TNFRSF11B: variants seen among roughly 807,000 people sequenced by gnomAD.
TNFRSF11B encodes tumor necrosis factor receptor superfamily member 11B.
A neutral mutation model predicts 43.4 loss-of-function variants in TNFRSF11B; 16 were observed. That is an observed-to-expected ratio of 0.37 (90% confidence interval 0.25 to 0.56). TNFRSF11B has a LOEUF of 0.56. Among genes scored for constraint, TNFRSF11B ranks in the 20% least tolerant of loss-of-function variants. TNFRSF11B has a pLI of 0.80. For synonymous variants in TNFRSF11B, 185 were observed against 181.8 expected (o/e 1.02, Z -0.14); for missense variants, 444 against 490.1 (o/e 0.91, Z 0.89).
At chr8:118,936,578 C>T (rs1365497560) in intron 1 of TNFRSF11B, among the ~76,000 whole-genome samples, 1 of 152,118 alleles carries the variant, frequency 6.6e-6, no homozygotes, top group Non-Finnish European at 1.5e-5. Context: ...GGACAGATCA[C>T]CTTAACATTG....
At chr8:118,946,073 A>G (rs972327526) in intron 1 of TNFRSF11B, among the ~76,000 whole-genome samples, 1 of 152,198 alleles carries the variant, frequency 6.6e-6, no homozygotes, top group African/African-American at 2.4e-5. Context: ...AGCCATTATC[A>G]GCACATTACT....
At chr8:118,945,741 T>C (rs1168612510) in intron 1 of TNFRSF11B, among the ~76,000 whole-genome samples, 1 of 152,110 alleles carries the variant, frequency 6.6e-6, no homozygotes, top group Non-Finnish European at 1.5e-5. Context: ...TAGTATTACA[T>C]GGCAAGAGAA....
At chr8:118,931,353 C>T (rs1563689853) in intron 2 of TNFRSF11B, among the ~76,000 whole-genome samples, 2 of 152,100 alleles carry the variant, frequency 1.3e-5, no homozygotes, top group Non-Finnish European at 2.9e-5. Context: ...TGTTCTGAGT[C>T]TTCTGGCTGC....
chr8:118,946,979 A>T (rs1452934026), intron 1 of TNFRSF11B, among the ~76,000 whole-genome samples: 1 of 152,172 alleles, frequency 6.6e-6, no homozygotes, highest in Admixed American at 6.5e-5. Flanking sequence ...ACACAGTCCC[A>T]ACTGGATGGG....
Position 118,924,257 on chromosome 8 carries a change from A to C in TNFRSF11B, c.*117T>G, listed in dbSNP as rs975039105. The C allele has an allele frequency of 7.9e-6, 10 of 1,258,168 alleles. No individual in the cohort carries two copies. Among genetic ancestry groups the C allele is most frequent in the Non-Finnish European group, 9.2e-6 (8 of 870,848 alleles). 77.9% of individuals were successfully genotyped at this position (1,258,168 alleles called of 1,614,324 possible). ...TAGTTTCTTTTAGTACCCTGTGGCA[A>C]AATTAGTCACTGGTAATGAGAAAGA... On this transcript the variant is annotated 3_prime_UTR_variant, in exon 5 of 5. Transcript: ENST00000297350.
intron 1 of TNFRSF11B, among the ~76,000 whole-genome samples, chr8:118,948,814 G>A (rs1812602851): frequency 6.6e-6 from 1 of 151,698 alleles, no homozygotes; most frequent in Non-Finnish European, 1.5e-5. Flanking sequence ...TAACCACTAG[G>A]GGGAGGGAGA....
chr8:118,951,815 T>G lies in TNFRSF11B; in HGVS notation c.7A>C (p.Asn3His), dbSNP rs961082553. ...ACCACGAGCGCGCAGCACAGCAAGT[T>G]GTTCATTGTGGTCCCCGGAAACCTC... MN[N>H]LLCCALVFLD... The change falls in exon 1 of 5, where the codon AAC becomes CAC. Residue 3 changes from asparagine (N) to histidine (H), a missense_variant. Transcript: ENST00000297350. The G allele has an allele frequency of 5.7e-6, 9 of 1,591,198 alleles. No individual in the cohort carries two copies. In the African/African-American group the frequency reaches 9.4e-5, roughly 17 times the overall value.
rs1563687367 is a variant in TNFRSF11B at position 118,923,922 on chromosome 8, T to A, written c.*452A>T. ...TTTATAGGATGATAATATGTACAAA[T>A]CTTATATCTGAATGAATATAAATAG... On this transcript the variant is annotated 3_prime_UTR_variant, in exon 5 of 5. Coordinates refer to ENST00000297350, the MANE Select transcript of TNFRSF11B (RefSeq NM_002546.4). 1 of 156,136 alleles carries A rather than the reference T, an allele frequency of 6.4e-6. No individual in the cohort carries two copies. Among genetic ancestry groups the A allele is most frequent in the Non-Finnish European group, 1.4e-5 (1 of 70,098 alleles). 9.7% of individuals were successfully genotyped at this position (156,136 alleles called of 1,614,324 possible).
intron 1 of TNFRSF11B, among the ~76,000 whole-genome samples, chr8:118,951,263 T>C (rs145551943): frequency 6.6e-6 from 1 of 152,200 alleles, no homozygotes; most frequent in Non-Finnish European, 1.5e-5. Context: ...AGTGTGTGTG[T>C]GAGAGATCTT....
intron 1 of TNFRSF11B, among the ~76,000 whole-genome samples, chr8:118,935,979 G>A (rs1308448282): frequency 6.6e-6 from 1 of 152,168 alleles, no homozygotes; most frequent in Non-Finnish European, 1.5e-5. Flanking sequence ...GCCAAAAAAT[G>A]ATGAGAATAG....
At chr8:118,948,687 G>T (rs1812600246) in intron 1 of TNFRSF11B, among the ~76,000 whole-genome samples, 1 of 152,020 alleles carries the variant, frequency 6.6e-6, no homozygotes, top group South Asian at 2.1e-4. Context: ...CGTTGCTACG[G>T]ACAGGGATCA....
At chr8:118,930,717 A>G in intron 2 of TNFRSF11B, 1 of 448,010 alleles carries the variant, frequency 2.2e-6, no homozygotes, top group South Asian at 1.6e-5. Context: ...GGGCCTAAGA[A>G]TCTTGTTCAT....
chr8:118,926,777 A>G (rs1296997607), intron 3 of TNFRSF11B, 59 bp from the exon 4 acceptor site: 1 of 1,463,020 alleles, frequency 6.8e-7, no homozygotes, highest in Non-Finnish European at 9.4e-7. Context: ...CTGAGAGTCT[A>G]TTCAATACAA....
At position 118,933,195 on chromosome 8, in the gene TNFRSF11B, G is replaced by A; in HGVS notation, c.136C>T (p.Pro46Ser). ...CAGTGTTGTTTTAGGTAGGTACCAG[G>A]AGGACATTTGTCACACAACAGCTGA... ...SHQLLCDKCP[P>S]GTYLKQHCTA... The change falls in exon 2 of 5, where the codon CCT becomes TCT. Residue 46 changes from proline (P) to serine (S), a missense_variant. Transcript: ENST00000297350. 6.2e-7 allele frequency: 1 copy of A among 1,614,172 alleles called. No individual in the cohort carries two copies. The highest frequency in any genetic ancestry group is 1.1e-5 in the South Asian group (1 of 91,084).
intron 1 of TNFRSF11B, among the ~76,000 whole-genome samples, chr8:118,948,900 T>A (rs1234500126): frequency 6.6e-6 from 1 of 152,058 alleles, no homozygotes; most frequent in Non-Finnish European, 1.5e-5. Context: ...AGACCAGACA[T>A]TTTTCCTGAG....
intron 1 of TNFRSF11B, among the ~76,000 whole-genome samples, chr8:118,942,132 A>G (rs1277530422): frequency 2.0e-5 from 3 of 152,086 alleles, no homozygotes; most frequent in Non-Finnish European, 4.4e-5. Flanking sequence ...GGTTTGTTGC[A>G]TATGTATAAA....
At position 118,923,619 on chromosome 8, in the gene TNFRSF11B, T is replaced by A. The variant is rs1812209524; in HGVS notation, c.*755A>T. ...ATAGTTATAAAACCATAAAATCTTT[T>A]AAATAAGGTACATTCAATTTCTCAG... is the stretch of plus-strand genomic sequence containing the variant. On this transcript the variant is annotated 3_prime_UTR_variant, in exon 5 of 5. Transcript: ENST00000297350. 1 of 152,646 alleles carries A rather than the reference T, an allele frequency of 6.6e-6. No individual in the cohort carries two copies. Among genetic ancestry groups the A allele is most frequent in the African/African-American group, 2.4e-5 (1 of 41,464 alleles). The allele number at this position is 152,646 out of a possible 1,614,324, so 9.5% of individuals were successfully genotyped here.
chr8:118,933,027 T>C lies in TNFRSF11B; in HGVS notation c.304A>G (p.Asn102Asp), dbSNP rs1327905366. The change falls in exon 2 of 5, where the codon AAC becomes GAC. Residue 102 changes from asparagine (N) to aspartate (D), a missense_variant. Asn to Asp is a conservative substitution (Grantham distance 23). Coordinates refer to ENST00000297350, the MANE Select transcript of TNFRSF11B (RefSeq NM_002546.4). ...YVKQECNRTH[N>D]RVCECKEGRY... ...CCTTCCTTGCATTCGCACACGCGGT[T>C]GTGGGTGCGATTGCACTCCTGCTTG... The C allele has an allele frequency of 6.2e-7, 1 of 1,614,168 alleles. No homozygotes were observed. The highest frequency in any genetic ancestry group is 1.7e-5 in the Admixed American group (1 of 60,028).
intron 2 of TNFRSF11B, among the ~76,000 whole-genome samples, chr8:118,931,449 T>C (rs1184491937): frequency 6.6e-6 from 1 of 152,192 alleles, no homozygotes; most frequent in Admixed American, 6.5e-5. Flanking sequence ...ATTTTCTAGT[T>C]TCCAAGCTGC....
Sources: allele counts gnomAD v4.1 joint callset (sites outside exome capture counted in the v4.1 genomes callset), GRCh38; gene constraint gnomAD v4.1.1; transcripts MANE v1.5; gene names NCBI Gene and HGNC (gene_info 2026-07-23, HGNC 2026-07-21).